SRL: variants seen among roughly 807,000 people sequenced by gnomAD.
SRL encodes the protein sarcalumenin.
In SRL, 23 loss-of-function variants were observed where a neutral mutation model predicts 39.5. The ratio of observed to expected loss-of-function variants is 0.58; its 90% CI spans 0.42 to 0.82. The LOEUF is 0.82. Among genes scored for constraint, SRL ranks in the 40% least tolerant of loss-of-function variants. The pLI is 0.00. For synonymous variants in SRL, 272 were observed against 237.4 expected (o/e 1.15, Z -1.34); for missense variants, 592 against 607.8 (o/e 0.97, Z 0.27).
rs2052698859 is a variant in SRL at position 4,234,873 on chromosome 16, G to C, written c.61+7134C>G. 3.9e-5 allele frequency among the ~76,000 whole-genome samples: 6 copies of C among 152,246 alleles called. No homozygotes were observed. The South Asian group carries it at 1.2e-3, about 32-fold the overall frequency. On this transcript the variant is annotated intron_variant, in intron 1 of 5. Transcript: ENST00000399609. ...GTGAACTATTTACCACCTCCGTGTT[G>C]AGATTTAGGAACTTTGGGTGAGACC...
chr16:4,195,613 C>G lies in SRL; in HGVS notation c.550G>C (p.Glu184Gln), dbSNP rs1301129964. The G allele has an allele frequency of 1.2e-6, 2 of 1,614,050 alleles. No individual in the cohort carries two copies. The highest frequency in any genetic ancestry group is 2.7e-5 in the African/African-American group (2 of 74,918). ...GGTGTATCCACAAAAGTGACCCTCT[C>G]CAGAAGTTTGTGGGGAACCTCAATG... ...IGIEVPHKLL[E>Q]RVTFVDTPGI... The change falls in exon 5 of 6, where the codon GAG becomes CAG. Residue 184 changes from glutamate (E) to glutamine (Q), a missense_variant. Coordinates refer to ENST00000399609, the MANE Select transcript of SRL (RefSeq NM_001098814.2).
At chr16:4,231,899 A>G (rs1423521598) in intron 1 of SRL, among the ~76,000 whole-genome samples, 1 of 152,194 alleles carries the variant, frequency 6.6e-6, no homozygotes, top group Non-Finnish European at 1.5e-5. Context: ...TCCGATAGCC[A>G]TTTTCTTATT....
At chr16:4,194,603 C>T (rs1469108328) in intron 5 of SRL, among the ~76,000 whole-genome samples, 2 of 152,154 alleles carry the variant, frequency 1.3e-5, no homozygotes, top group African/African-American at 4.8e-5. Flanking sequence ...TTAGTCCAGG[C>T]CCTTGGCTAC....
intron 2 of SRL, 80 bp from the exon 3 acceptor site, chr16:4,203,341 A>C (rs934327259): frequency 8.5e-7 from 1 of 1,181,118 alleles, no homozygotes; most frequent in African/African-American, 1.5e-5. Flanking sequence ...GGGCCTCACC[A>C]CCCAGGGCAG....
chr16:4,198,456 GC>G (rs1324607929), intron 3 of SRL, among the ~76,000 whole-genome samples: 1 of 151,988 alleles, frequency 6.6e-6, no homozygotes, highest in African/African-American at 2.4e-5. Flanking sequence ...CTCTCTTTCT[GC>G]CCTCTTTTGT....
At position 4,201,658 on chromosome 16, in the gene SRL, T is replaced by C. The variant is rs1232697856; in HGVS notation, c.259+1508A>G. 2.3e-5 allele frequency among the ~76,000 whole-genome samples: 3 copies of C among 128,042 alleles called. No homozygotes were observed. In the East Asian group the frequency reaches 6.2e-4, roughly 26 times the overall value. The allele number at this position is 128,042 out of a possible 152,430, so 84.0% of individuals were successfully genotyped here. On this transcript the variant is annotated intron_variant, in intron 3 of 5. Transcript: ENST00000399609. ...TGTGTTTTGTTTGTTTGTTTGTTTG[T>C]TTGTTTGTTTGTTTTGAGATGGAGT...
rs141318467 is a variant in SRL, at chr16:4,238,022, C to G, written c.61+3985G>C. Among the ~76,000 whole-genome samples the G allele has an allele frequency of 1.8e-3, 279 of 152,312 alleles. 1 individual carries two copies. Among genetic ancestry groups the G allele is most frequent in the African/African-American group, 6.3e-3 (261 of 41,564 alleles). On this transcript the variant is annotated intron_variant, in intron 1 of 5. Coordinates refer to ENST00000399609, the MANE Select transcript of SRL (RefSeq NM_001098814.2). ...AGCACTGAGGACAAAATGCCTGTCT[C>G]AATTCCCCTAGTACCATACTTCAAA...
intron 1 of SRL, among the ~76,000 whole-genome samples, chr16:4,232,040 C>A (rs974936296): frequency 3.3e-5 from 5 of 152,194 alleles, no homozygotes; most frequent in African/African-American, 1.2e-4. Flanking sequence ...ATTTGCTCTG[C>A]CCCCGGGTTC....
chr16:4,233,434 C>G (rs1567191368), intron 1 of SRL, among the ~76,000 whole-genome samples: 1 of 152,194 alleles, frequency 6.6e-6, no homozygotes, highest in Non-Finnish European at 1.5e-5. Context: ...CAGCTTCCAC[C>G]CTCCCCAAGC....
In SRL at chr16:4,190,058, C is replaced by T. The variant is rs936063846; in HGVS notation, c.*2095G>A. The T allele has an allele frequency of 7.7e-6, 3 of 390,970 alleles. No homozygotes were observed. Among genetic ancestry groups the T allele is most frequent in the Admixed American group, 8.9e-5 (2 of 22,472 alleles). 24.2% of individuals were successfully genotyped at this position (390,970 alleles called of 1,614,324 possible). On this transcript the variant is annotated 3_prime_UTR_variant, in exon 6 of 6. Coordinates refer to ENST00000399609, the MANE Select transcript of SRL (RefSeq NM_001098814.2). ...GGCTCCGTGGATGCCCCTTGCAGAACTCACTGTTCTTTCCTGGTCGACTCG... is the reference window on the plus strand; with the variant it reads ...GGCTCCGTGGATGCCCCTTGCAGAATTCACTGTTCTTTCCTGGTCGACTCG...
intron 1 of SRL, among the ~76,000 whole-genome samples, chr16:4,210,109 G>A (rs944450015): frequency 1.3e-5 from 2 of 152,218 alleles, no homozygotes; most frequent in African/African-American, 2.4e-5. Flanking sequence ...GAAGAGGTCC[G>A]CGGTCAGATT....
intron 1 of SRL, among the ~76,000 whole-genome samples, chr16:4,218,776 G>T (rs1319432738): frequency 6.6e-6 from 1 of 152,216 alleles, no homozygotes; most frequent in Non-Finnish European, 1.5e-5. Flanking sequence ...TCCTACAACT[G>T]CCAGGAAGAC....
At chr16:4,207,112 T>G (rs943182831) in intron 1 of SRL, 1 of 456,178 alleles carries the variant, frequency 2.2e-6, no homozygotes, top group African/African-American at 2.0e-5. Flanking sequence ...TGGGGCTCCG[T>G]GGCCTCCTCG....
intron 1 of SRL, among the ~76,000 whole-genome samples, chr16:4,206,484 G>A (rs1019704745): frequency 1.3e-5 from 2 of 152,150 alleles, no homozygotes; most frequent in Admixed American, 1.3e-4. Flanking sequence ...GGGACCCTAA[G>A]GGGAGGTTCT....
intron 3 of SRL, among the ~76,000 whole-genome samples, chr16:4,202,204 A>C (rs1380083234): frequency 1.3e-5 from 2 of 152,226 alleles, no homozygotes; most frequent in African/African-American, 4.8e-5. Context: ...GTTTGTAAAA[A>C]CAAAAAACAA....
At chr16:4,209,230 G>A (rs1430044869) in intron 1 of SRL, among the ~76,000 whole-genome samples, 1 of 151,678 alleles carries the variant, frequency 6.6e-6, no homozygotes, top group Non-Finnish European at 1.5e-5. Context: ...CCGAGATCGC[G>A]CCACTGCACT....
chr16:4,221,506 C>T (rs1193454587), intron 1 of SRL, among the ~76,000 whole-genome samples: 2 of 152,152 alleles, frequency 1.3e-5, no homozygotes, highest in African/African-American at 4.8e-5. Flanking sequence ...CCCAGGCTGA[C>T]CCTCCCCGGT....
chr16:4,240,899 C>T (rs548885867), intron 1 of SRL, among the ~76,000 whole-genome samples: 1 of 152,194 alleles, frequency 6.6e-6, no homozygotes, highest in Non-Finnish European at 1.5e-5. Context: ...CAAATTAACT[C>T]AAGGACAGAC....
rs1277742606 is a variant in SRL, at chr16:4,241,990, G to T, written c.61+17C>A. The T allele has an allele frequency of 6.2e-7, 1 of 1,613,702 alleles. No individual in the cohort carries two copies. Among genetic ancestry groups the T allele is most frequent in the Admixed American group, 1.7e-5 (1 of 60,010 alleles). ...GGGGGACCAGTCTGGGCTGGGTCAT[G>T]CTGGGAGGGGCCCTACCTGCTTGTC... On this transcript the variant is annotated intron_variant, in intron 1 of 5. Transcript: ENST00000399609.
Sources: allele counts gnomAD v4.1 joint callset (sites outside exome capture counted in the v4.1 genomes callset), GRCh38; gene constraint gnomAD v4.1.1; transcripts MANE v1.5; gene names NCBI Gene and HGNC (gene_info 2026-07-23, HGNC 2026-07-21).